Variants in SYN2 observed in about 807,000 individuals in gnomAD.
The protein encoded by SYN2 is synapsin-2.
Under a neutral mutation model 50.9 loss-of-function variants are expected in SYN2, and 19 were observed. That is an observed-to-expected ratio of 0.37 (90% confidence interval 0.26 to 0.55). SYN2 has a LOEUF of 0.55. Ranked by LOEUF, SYN2 falls within the 20% of genes least tolerant of loss-of-function variation. SYN2 has a pLI of 0.81. For missense variants in SYN2, 587 were observed against 576.4 expected, an observed-to-expected ratio of 1.02 and a Z score of -0.19; for synonymous variants, 255 against 224.9, an observed-to-expected ratio of 1.13 and a Z score of -1.20.
intron 5 of SYN2, among the ~76,000 whole-genome samples, chr3:12,155,859 G>C (rs1697441353): frequency 6.6e-6 from 1 of 152,164 alleles, no homozygotes; most frequent in African/African-American, 2.4e-5. Context: ...GTTTGAAAGG[G>C]CCTGGTCTGC....
intron 11 of SYN2, among the ~76,000 whole-genome samples, chr3:12,186,493 C>G (rs1201512941): frequency 6.6e-6 from 1 of 152,166 alleles, no homozygotes; most frequent in Middle Eastern, 3.2e-3. Flanking sequence ...AAATGGCACC[C>G]ACAACATCCC....
chr3:12,093,509 A>G (rs939724138), intron 1 of SYN2, among the ~76,000 whole-genome samples: 3 of 152,184 alleles, frequency 2.0e-5, no homozygotes, highest in African/African-American at 2.4e-5. Flanking sequence ...AGCTAGTTTA[A>G]TGATGGCTCT....
At chr3:12,161,413 A>G (rs1697645509) in intron 5 of SYN2, 133 bp from the exon 6 acceptor site, 1 of 986,536 alleles carries the variant, frequency 1.0e-6, no homozygotes, top group East Asian at 2.6e-5. Context: ...CAGTTTTTTA[A>G]TCTGTAAAGC....
intron 3 of SYN2, among the ~76,000 whole-genome samples, chr3:12,142,547 G>A (rs967688275): frequency 6.6e-6 from 1 of 152,182 alleles, no homozygotes; most frequent in Non-Finnish European, 1.5e-5. Flanking sequence ...GGCTGGAAGA[G>A]ACATGGTGGG....
intron 1 of SYN2, among the ~76,000 whole-genome samples, chr3:12,121,622 G>A (rs1574951707): frequency 6.7e-6 from 1 of 150,090 alleles, no homozygotes; most frequent in East Asian, 2.0e-4. Flanking sequence ...AGGGAGGAAA[G>A]GAGGAAAGAA....
chr3:12,004,745 CCTCG>C lies in SYN2; in HGVS notation c.195_198del (p.Ser66ArgfsTer24), dbSNP rs1693752766. 5 of 305,274 alleles carry C rather than the reference CCTCG, an allele frequency of 1.6e-5. No individual in the cohort carries two copies. Among genetic ancestry groups the C allele is most frequent in the East Asian group, 1.0e-4 (2 of 19,606 alleles). 18.9% of individuals were successfully genotyped at this position (305,274 alleles called of 1,614,324 possible). ...GGCCCGGAGCGGAGGCCGCCGCCCG[CCTCG>C]GCGCCCGCGCCGCAGCCCGCGCCGA... On this transcript the variant is annotated frameshift_variant, in exon 1 of 13. Coordinates refer to ENST00000621198, the MANE Select transcript of SYN2 (RefSeq NM_133625.6). LOFTEE classifies it high-confidence loss of function.
chr3:12,145,886 A>G, intron 4 of SYN2, 51 bp downstream of exon 4: 6 of 1,605,982 alleles, frequency 3.7e-6, no homozygotes, highest in South Asian at 1.1e-5. Flanking sequence ...CAGGCCCTAC[A>G]TCTCCCAGGT....
intron 11 of SYN2, chr3:12,184,558 G>C (rs1410138821): frequency 2.0e-6 from 2 of 985,814 alleles, no homozygotes; most frequent in African/African-American, 1.7e-5. Context: ...GTTGACTCCT[G>C]CTTCAGTTCT....
At chr3:12,129,950 C>T (rs147955154) in intron 1 of SYN2, among the ~76,000 whole-genome samples, 25 of 152,220 alleles carry the variant, frequency 1.6e-4, no homozygotes, top group African/African-American at 4.6e-4. Flanking sequence ...AGAGAGACCA[C>T]GGCTTGCTCA....
intron 1 of SYN2, among the ~76,000 whole-genome samples, chr3:12,137,247 CAAA>C (rs551962770): frequency 1.7e-4 from 17 of 97,848 alleles, no homozygotes; most frequent in Admixed American, 3.2e-4. Context: ...GATCCTGTCT[CAAA>C]AAAAAAAAAA....
At chr3:12,071,082 C>G (rs914498580) in intron 1 of SYN2, 2 of 561,352 alleles carry the variant, frequency 3.6e-6, no homozygotes, top group African/African-American at 3.8e-5. Flanking sequence ...TCAACTCCAT[C>G]ATGAAGTGTG....
intron 1 of SYN2, among the ~76,000 whole-genome samples, chr3:12,118,121 G>T (rs1279464591): frequency 2.6e-5 from 4 of 152,316 alleles, no homozygotes; most frequent in Admixed American, 6.5e-5. Context: ...CAAAGTCTAA[G>T]TTTTATGTTC....
chr3:12,060,433 T>C (rs1695089268), intron 1 of SYN2, among the ~76,000 whole-genome samples: 1 of 152,182 alleles, frequency 6.6e-6, no homozygotes, highest in Admixed American at 6.5e-5. Flanking sequence ...CAGCCCCCTC[T>C]AGTTTTACTA....
chr3:12,016,795 G>T (rs1433174937), intron 1 of SYN2, among the ~76,000 whole-genome samples: 2 of 152,172 alleles, frequency 1.3e-5, no homozygotes, highest in Admixed American at 6.5e-5. Flanking sequence ...GGTGGTGGTT[G>T]CTGTGAGCTG....
rs369510979 is a variant in SYN2, at chr3:12,187,607, G to T, written c.1608G>T (p.Gln536His). 1.3e-6 allele frequency: 2 copies of T among 1,545,910 alleles called. No homozygotes were observed. Among genetic ancestry groups the T allele is most frequent in the Non-Finnish European group, 1.8e-6 (2 of 1,142,172 alleles). ...CACAGAAGCCCCAGCCTCACCCACA[G>T]CTCAAGTAAGAGACAACTCAGCAGC... Reference protein sequence around the residue: ...APPQKPQPHPQLNKSQSLTNA... With the variant: ...APPQKPQPHPHLNKSQSLTNA... Residue 536 changes from glutamine (Q) to histidine (H), a missense_variant, in exon 12 of 13, where the codon CAG (glutamine) becomes CAT (histidine). By Grantham distance (24) the Gln-to-His change is conservative (BLOSUM62 0). Transcript: ENST00000621198.
chr3:12,144,096 C>CAGT, intron 3 of SYN2, among the ~76,000 whole-genome samples: 1 of 152,288 alleles, frequency 6.6e-6, no homozygotes, highest in East Asian at 1.9e-4. Flanking sequence ...TAGATGCTGC[C>CAGT]ACAGAACTGA....
intron 5 of SYN2, chr3:12,158,628 C>T (rs1574869755): frequency 6.3e-7 from 1 of 1,583,516 alleles, no homozygotes; most frequent in East Asian, 2.3e-5. Context: ...CTCTGGACTC[C>T]TGGTGTACTG....
chr3:12,168,498 T>TCC lies in SYN2; in HGVS notation c.1158+20_1158+21insCC. The TCC allele has an allele frequency of 2.5e-6, 4 of 1,602,792 alleles. No homozygotes were observed. Among genetic ancestry groups the TCC allele is most frequent in the Non-Finnish European group, 3.4e-6 (4 of 1,170,940 alleles). On this transcript the variant is annotated intron_variant, in intron 9 of 12. Coordinates refer to ENST00000621198, the MANE Select transcript of SYN2 (RefSeq NM_133625.6). The stretch of plus-strand genomic sequence containing the variant: ...TTTGAGGTAAGTCTGGACCAAGCAG[T>TCC]AAGAGGTAACTCCTAAGGCTTAAGA...
intron 1 of SYN2, among the ~76,000 whole-genome samples, chr3:12,088,506 A>T (rs1695758771): frequency 1.3e-5 from 2 of 152,210 alleles, no homozygotes; most frequent in South Asian, 4.1e-4. Context: ...TCCTCAAAAA[A>T]TATAATTACT....
Sources: gnomAD v4.1 joint callset for allele counts (sites outside exome capture counted in the v4.1 genomes callset) on GRCh38, gnomAD v4.1.1 for gene constraint, MANE v1.5 for transcripts, NCBI Gene and HGNC (gene_info 2026-07-23, HGNC 2026-07-21) for gene names.